Variants in PVT1 observed in about 807,000 individuals in gnomAD.
PVT1 encodes the protein CXCR4/PVT1 fusion.
chr8:127,824,136 G>T (rs1814762107), intron 2 of PVT1, among the ~76,000 whole-genome samples: 1 of 152,186 alleles, frequency 6.6e-6, no homozygotes, highest in African/African-American at 2.4e-5. Flanking sequence ...AGCTGTAATT[G>T]CACCACTGCA....
intron 3 of PVT1, among the ~76,000 whole-genome samples, chr8:127,942,016 C>A (rs1187099749): frequency 1.3e-5 from 2 of 152,214 alleles, no homozygotes; most frequent in African/African-American, 2.4e-5. Context: ...GGAAACGACT[C>A]CCTTCCCAAG....
intron 3 of PVT1, among the ~76,000 whole-genome samples, chr8:127,966,889 CT>C (rs1563652511): frequency 7.2e-5 from 11 of 152,114 alleles, no homozygotes; most frequent in Admixed American, 7.2e-4. Flanking sequence ...GAATGCCTTT[CT>C]TTTTTTCTTC....
chr8:127,856,169 G>A (rs781423342), intron 2 of PVT1, among the ~76,000 whole-genome samples: 2 of 151,976 alleles, frequency 1.3e-5, no homozygotes, highest in East Asian at 1.9e-4. Flanking sequence ...ATGTGTAGAC[G>A]AAAGGATGAG....
intron 3 of PVT1, among the ~76,000 whole-genome samples, chr8:127,957,730 G>A (rs927337652): frequency 2.0e-5 from 3 of 152,212 alleles, no homozygotes; most frequent in African/African-American, 7.2e-5. Flanking sequence ...TCCTGGGAGC[G>A]AGTGTTTCTC....
chr8:127,918,961 G>T (rs890442), intron 3 of PVT1, among the ~76,000 whole-genome samples: 48,087 of 151,966 alleles, frequency 0.32, 8,043 homozygotes, highest in Middle Eastern at 0.43. Context: ...TTCCTCTCGC[G>T]GGGTCGTGGG....
intron 3 of PVT1, among the ~76,000 whole-genome samples, chr8:127,918,804 G>T (rs75536816): frequency 6.6e-6 from 1 of 152,242 alleles, no homozygotes; most frequent in East Asian, 1.9e-4. Context: ...GCCTTGAGTC[G>T]CTGCATTCTT....
At chr8:127,895,737 A>G (rs1406908612) in intron 3 of PVT1, among the ~76,000 whole-genome samples, 1 of 152,234 alleles carries the variant, frequency 6.6e-6, no homozygotes, top group African/African-American at 2.4e-5. Context: ...AATTAGCACA[A>G]CATGCTAAGT....
chr8:128,045,939 C>G (rs1297050272), intron 4 of PVT1, among the ~76,000 whole-genome samples: 1 of 152,138 alleles, frequency 6.6e-6, no homozygotes, highest in Non-Finnish European at 1.5e-5. Flanking sequence ...TGAAATGGGA[C>G]CTGGGCATTT....
At chr8:127,882,423 C>T (rs1004211614) in intron 2 of PVT1, among the ~76,000 whole-genome samples, 13 of 152,156 alleles carry the variant, frequency 8.5e-5, no homozygotes, top group Admixed American at 5.9e-4. Flanking sequence ...GAAATTGCCA[C>T]CTCTCCCTTC....
At chr8:127,982,151 G>A (rs964152326) in intron 3 of PVT1, among the ~76,000 whole-genome samples, 2 of 152,194 alleles carry the variant, frequency 1.3e-5, no homozygotes, top group Non-Finnish European at 2.9e-5. Flanking sequence ...TTCTTGGGTT[G>A]TTGTAGGGAT....
chr8:127,997,395 G>C (rs1817119442), intron 4 of PVT1, among the ~76,000 whole-genome samples: 1 of 152,058 alleles, frequency 6.6e-6, no homozygotes, highest in Non-Finnish European at 1.5e-5. Flanking sequence ...CAGGGGCCTG[G>C]ATGGCCGCCA....
At chr8:127,911,475 A>C (rs1310133504) in intron 3 of PVT1, among the ~76,000 whole-genome samples, 2 of 152,210 alleles carry the variant, frequency 1.3e-5, no homozygotes, top group Non-Finnish European at 2.9e-5. Flanking sequence ...CCAGCCGGTG[A>C]ATCACTGAAA....
intron 3 of PVT1, among the ~76,000 whole-genome samples, chr8:127,915,380 C>T (rs968774848): frequency 2.6e-5 from 4 of 151,380 alleles, no homozygotes; most frequent in African/African-American, 7.3e-5. Context: ...GAGGCCGAGG[C>T]GGGCGGCAGA....
In PVT1 at chr8:127,880,877, G is replaced by A. The variant is rs186305146; in HGVS notation, n.373-9712G>A. On this transcript the variant is annotated intron_variant and non_coding_transcript_variant, in intron 2 of 10. Coordinates refer to ENST00000651587, the Ensembl canonical transcript of PVT1. ...GCCTCCCAACGTGCTGGGATTACAGGCGTGAGCCACTGCGCTCAGCTTTCC... is the reference window on the plus strand; with the variant it reads ...GCCTCCCAACGTGCTGGGATTACAGACGTGAGCCACTGCGCTCAGCTTTCC... 9.9e-4 allele frequency among the ~76,000 whole-genome samples: 151 copies of A among 152,346 alleles called. 1 individual carries two copies. The highest frequency in any genetic ancestry group is 3.5e-3 in the African/African-American group (147 of 41,588).
intron 3 of PVT1, chr8:127,946,719 G>A (rs1245346983): frequency 1.9e-5 from 3 of 154,218 alleles, no homozygotes; most frequent in African/African-American, 7.2e-5. Context: ...TTGTGCACAG[G>A]GGCCAAAGTT....
At chr8:127,841,041 C>T (rs767968391) in intron 2 of PVT1, among the ~76,000 whole-genome samples, 15 of 152,210 alleles carry the variant, frequency 9.9e-5, no homozygotes, top group South Asian at 4.1e-4. Context: ...AAGCTTGCTC[C>T]GGGAATCGAT....
chr8:128,042,734 G>GTTTAT (rs57334940), intron 4 of PVT1, among the ~76,000 whole-genome samples: 19,039 of 129,634 alleles, frequency 0.15, 1,692 homozygotes, highest in South Asian at 0.24. Flanking sequence ...GGACTAGGTG[G>GTTTAT]TTTATTTTAT....
At chr8:127,960,245 A>C (rs1816624179) in intron 3 of PVT1, among the ~76,000 whole-genome samples, 1 of 151,888 alleles carries the variant, frequency 6.6e-6, no homozygotes, top group African/African-American at 2.4e-5. Context: ...GTACATGGGG[A>C]AGCTGAGCCT....
At chr8:128,004,660 G>A (rs948481178) in intron 4 of PVT1, among the ~76,000 whole-genome samples, 2 of 152,208 alleles carry the variant, frequency 1.3e-5, no homozygotes, top group African/African-American at 4.8e-5. Context: ...CCAGGAGATA[G>A]ACTAGTCTCC....
Sources: allele counts gnomAD v4.1 joint callset (sites outside exome capture counted in the v4.1 genomes callset), GRCh38; gene constraint gnomAD v4.1.1; transcripts MANE v1.5; gene names NCBI Gene and HGNC (gene_info 2026-07-23, HGNC 2026-07-21).